The following IPMK variants were observed in gnomAD, a reference collection of about 807,000 sequenced individuals.
IPMK encodes inositol 1,3,4,6-tetrakisphosphate 5-kinase.
IPMK carries 17 observed loss-of-function variants against 45.8 expected under a neutral mutation model. The ratio of observed to expected loss-of-function variants is 0.37; its 90% confidence interval spans 0.25 to 0.56. IPMK has a LOEUF of 0.56. IPMK is among the 20% of genes least tolerant of loss of function. The probability of loss-of-function intolerance (pLI) is 0.79; values close to 1 mark genes in which losing one functional copy is unlikely to be tolerated. For synonymous variants in IPMK, 180 were observed against 184.3 expected, an observed-to-expected ratio of 0.98 and a Z score of 0.19; for missense variants, 399 against 498.0, an observed-to-expected ratio of 0.80 and a Z score of 1.89.
intron 1 of IPMK, among the ~76,000 whole-genome samples, chr10:58,266,303 T>C (rs774839967): frequency 6.6e-6 from 1 of 152,196 alleles, no homozygotes; most frequent in Non-Finnish European, 1.5e-5. Context: ...TAGTGGAAAA[T>C]GTCGCTTTGA....
intron 2 of IPMK, among the ~76,000 whole-genome samples, chr10:58,227,946 CTAAT>C (rs1467703394): frequency 6.6e-6 from 1 of 151,802 alleles, no homozygotes; most frequent in Admixed American, 6.5e-5. Flanking sequence ...GTATTAGAAT[CTAAT>C]TATATATGCC....
intron 4 of IPMK, among the ~76,000 whole-genome samples, chr10:58,208,729 C>T (rs2132147826): frequency 6.6e-6 from 1 of 152,242 alleles, no homozygotes; most frequent in East Asian, 1.9e-4. Flanking sequence ...TCTCTTGAAG[C>T]TTATCTTGTT....
At chr10:58,259,995 A>C (rs1042300951) in intron 1 of IPMK, among the ~76,000 whole-genome samples, 16 of 152,214 alleles carry the variant, frequency 1.1e-4, no homozygotes, top group African/African-American at 3.9e-4. Flanking sequence ...TATTCCTCTC[A>C]AATTACTTAA....
rs537176930 is a variant in IPMK at position 58,217,147 on chromosome 10, C to T, written c.374-830G>A. Among the ~76,000 whole-genome samples, 6 of 144,248 alleles carry T rather than the reference C, an allele frequency of 4.2e-5. No individual in the cohort carries two copies. The East Asian group carries it at 1.2e-3, about 30-fold the overall frequency. 94.6% of individuals were successfully genotyped at this position (144,248 alleles called of 152,430 possible). On this transcript the variant is annotated intron_variant, in intron 3 of 5. Transcript: ENST00000373935. ...TACAGGTGTGAGTCACCATGCCCAG[C>T]CCATCTTGCTTTTTTTTTTTTTTTT...
chr10:58,228,473 G>A (rs1838455066), intron 2 of IPMK, among the ~76,000 whole-genome samples: 1 of 152,180 alleles, frequency 6.6e-6, no homozygotes, highest in Non-Finnish European at 1.5e-5. Flanking sequence ...TTTAAAAGTA[G>A]TGGGACTGGT....
At chr10:58,258,096 GTCAGGAGT>G (rs1838999358) in intron 1 of IPMK, among the ~76,000 whole-genome samples, 1 of 152,102 alleles carries the variant, frequency 6.6e-6, no homozygotes, top group African/African-American at 2.4e-5. Flanking sequence ...AGATCATGAG[GTCAGGAGT>G]TCAAGACCAG....
At chr10:58,241,436 G>C (rs1279297410) in intron 1 of IPMK, among the ~76,000 whole-genome samples, 1 of 152,180 alleles carries the variant, frequency 6.6e-6, no homozygotes, top group African/African-American at 2.4e-5. Context: ...CAGTTAAACA[G>C]AAATACTGAG....
chr10:58,267,358 T>C, intron 1 of IPMK, 64 bp downstream of exon 1: 2 of 1,554,610 alleles, frequency 1.3e-6, no homozygotes, highest in South Asian at 2.2e-5. Flanking sequence ...CTAGGCTGCC[T>C]CCGCTGACAG....
At chr10:58,207,511 T>C (rs1838088455) in intron 4 of IPMK, among the ~76,000 whole-genome samples, 1 of 152,220 alleles carries the variant, frequency 6.6e-6, no homozygotes, top group African/African-American at 2.4e-5. Context: ...CCACCAGCAG[T>C]GTAAAAGTGT....
chr10:58,200,306 G>T (rs987172108), intron 4 of IPMK, among the ~76,000 whole-genome samples: 4 of 151,866 alleles, frequency 2.6e-5, no homozygotes, highest in African/African-American at 4.8e-5. Context: ...TTTAGTAGAG[G>T]TGAGGTTTCA....
At chr10:58,264,812 A>G (rs555174622) in intron 1 of IPMK, among the ~76,000 whole-genome samples, 6 of 152,230 alleles carry the variant, frequency 3.9e-5, no homozygotes, top group Non-Finnish European at 7.3e-5. Context: ...TAGGTATAAT[A>G]CATGATATAA....
At chr10:58,244,938 A>G (rs1358226799) in intron 1 of IPMK, among the ~76,000 whole-genome samples, 1 of 152,080 alleles carries the variant, frequency 6.6e-6, no homozygotes, top group Non-Finnish European at 1.5e-5. Flanking sequence ...TAGGAAAACC[A>G]GAGACCTTTG....
chr10:58,261,447 CA>C (rs979300336), intron 1 of IPMK, among the ~76,000 whole-genome samples: 3 of 151,668 alleles, frequency 2.0e-5, no homozygotes, highest in Non-Finnish European at 4.4e-5. Flanking sequence ...TATAATCAAA[CA>C]AACAAAATTT....
chr10:58,252,863 C>T (rs1448216457), intron 1 of IPMK, among the ~76,000 whole-genome samples: 15 of 152,042 alleles, frequency 9.9e-5, no homozygotes, highest in South Asian at 4.1e-4. Flanking sequence ...CCACCCACCT[C>T]GACCTCCCAT....
At chr10:58,214,811 T>G (rs1185145818) in intron 4 of IPMK, among the ~76,000 whole-genome samples, 1 of 152,220 alleles carries the variant, frequency 6.6e-6, no homozygotes, top group Non-Finnish European at 1.5e-5. Context: ...ATGCAGCATT[T>G]GTTTAGAGGA....
chr10:58,251,835 T>C (rs180847420), intron 1 of IPMK, among the ~76,000 whole-genome samples: 1 of 152,310 alleles, frequency 6.6e-6, no homozygotes, highest in Non-Finnish European at 1.5e-5. Context: ...GCATGGAATA[T>C]CTTTCTATCC....
At chr10:58,246,613 G>A (rs1838805001) in intron 1 of IPMK, among the ~76,000 whole-genome samples, 1 of 132,486 alleles carries the variant, frequency 7.5e-6, no homozygotes. Flanking sequence ...GTAGAAAGCT[G>A]AAACTGGATC....
intron 2 of IPMK, among the ~76,000 whole-genome samples, chr10:58,236,886 A>C (rs541901352): frequency 2.0e-5 from 3 of 152,320 alleles, no homozygotes; most frequent in African/African-American, 7.2e-5. Flanking sequence ...CCTGGACAAC[A>C]AAGTGAGACC....
At chr10:58,219,484 G>C (rs2790244) in intron 3 of IPMK, among the ~76,000 whole-genome samples, 51,451 of 152,010 alleles carry the variant, frequency 0.34, 10,946 homozygotes, top group African/African-American at 0.61. Flanking sequence ...TCTTTCCCTA[G>C]AAGAGAGTTT....
Sources: gnomAD v4.1 joint callset for allele counts (sites outside exome capture counted in the v4.1 genomes callset) on GRCh38, gnomAD v4.1.1 for gene constraint, MANE v1.5 for transcripts, NCBI Gene and HGNC (gene_info 2026-07-23, HGNC 2026-07-21) for gene names.